The following MBNL3 variants were observed in gnomAD, a reference collection of about 807,000 sequenced individuals.
MBNL3 encodes muscleblind like splicing regulator 3.
MBNL3 carries 6 observed loss-of-function variants against 24.5 expected under a neutral mutation model. That is an observed-to-expected ratio of 0.25 (90% CI 0.13 to 0.48). The LOEUF is 0.48. Ranked by LOEUF, MBNL3 falls within the 20% of genes least tolerant of loss-of-function variation. The pLI, the probability that MBNL3 is intolerant of heterozygous loss-of-function variation, is 0.99. For synonymous variants in MBNL3, 100 were observed against 101.7 expected, an observed-to-expected ratio of 0.98 and a Z score of 0.10; for missense variants, 230 against 293.5, an observed-to-expected ratio of 0.78 and a Z score of 1.58.
chrX:132,454,564 G>T (rs768758719), intron 1 of MBNL3, among the ~76,000 whole-genome samples: 1 of 111,959 alleles, frequency 8.9e-6, no homozygotes, highest in Non-Finnish European at 1.9e-5. Flanking sequence ...CTCTGTGGCT[G>T]AAAATGTTGG....
rs758479162 is a variant in MBNL3, at chrX:132,443,886, T to C, written c.-703-3572A>G. Among the ~76,000 whole-genome samples, 14 of 103,264 alleles carry C rather than the reference T, an allele frequency of 1.4e-4. No individual in the cohort carries two copies. The South Asian group carries it at 6.3e-3, about 46-fold the overall frequency. The allele number at this position is 103,264 out of a possible 115,157, so 89.7% of individuals were successfully genotyped here. A position where few individuals can be genotyped will look rare whatever the true frequency, so the allele number is the denominator to read the frequency against. On this transcript the variant is annotated intron_variant, in intron 1 of 8. Coordinates refer to ENST00000370853, the MANE Select transcript of MBNL3 (RefSeq NM_001386889.1). ...TGTTCTCATTTTACAGATGGGGAAA[T>C]GAGGGTGGAGAAAGGTTGAGTAATT...
intron 2 of MBNL3, chrX:132,413,724 A>G: frequency 2.6e-5 from 16 of 625,756 alleles, no homozygotes; most frequent in Non-Finnish European, 3.6e-5. Flanking sequence ...GCGCAACAGT[A>G]TATTTAAATA....
At chrX:132,461,008 G>A (rs1946601828) in intron 1 of MBNL3, among the ~76,000 whole-genome samples, 1 of 111,617 alleles carries the variant, frequency 9.0e-6, no homozygotes, top group Non-Finnish European at 1.9e-5. Flanking sequence ...ATGGCCTCCA[G>A]CTCCATCCAA....
rs1602998017 is a variant in MBNL3, at chrX:132,371,150, T to C, written c.*8516A>G. On this transcript the variant is annotated 3_prime_UTR_variant, in exon 9 of 9. Coordinates refer to ENST00000370853, the MANE Select transcript of MBNL3 (RefSeq NM_001386889.1). Reference sequence around the variant, plus strand: ...AGAAATGCCATCATGGGAACCACCTTAGAAATAGTAAAACAGGGCACAAGG... The same window carrying C: ...AGAAATGCCATCATGGGAACCACCTCAGAAATAGTAAAACAGGGCACAAGG... The C allele has an allele frequency of 9.0e-6, 1 of 111,247 alleles. No individual in the cohort carries two copies. The highest frequency in any genetic ancestry group is 2.8e-4 in the East Asian group (1 of 3,518). The allele number at this position is 111,247 out of a possible 1,213,427, so 9.2% of individuals were successfully genotyped here.
chrX:132,384,259 A>T (rs1015456441), intron 7 of MBNL3, among the ~76,000 whole-genome samples: 1 of 112,184 alleles, frequency 8.9e-6, no homozygotes. Flanking sequence ...CCTATAGATA[A>T]CTTTTTCAGG....
chrX:132,452,886 A>T (rs1946183128), intron 1 of MBNL3, among the ~76,000 whole-genome samples: 1 of 112,541 alleles, frequency 8.9e-6, no homozygotes, highest in Non-Finnish European at 1.9e-5. Flanking sequence ...ATTTGGTAAC[A>T]TTAACAACAA....
intron 1 of MBNL3, among the ~76,000 whole-genome samples, chrX:132,483,656 T>C (rs1413571284): frequency 1.3e-4 from 15 of 112,162 alleles, no homozygotes; most frequent in Admixed American, 1.2e-3. Context: ...TTTGGTTACT[T>C]TGTACTGCCA....
intron 1 of MBNL3, among the ~76,000 whole-genome samples, chrX:132,445,430 C>A (rs1945652688): frequency 9.0e-6 from 1 of 110,731 alleles, no homozygotes; most frequent in Non-Finnish European, 1.9e-5. Flanking sequence ...AAAACCAAGT[C>A]TTCTGTCCAG....
At chrX:132,427,326 C>G (rs186261904) in intron 2 of MBNL3, among the ~76,000 whole-genome samples, 1 of 111,473 alleles carries the variant, frequency 9.0e-6, no homozygotes, top group East Asian at 2.8e-4. Flanking sequence ...GTTAGTAATA[C>G]TGAAGTTAAG....
chrX:132,418,319 T>A (rs764756921), intron 2 of MBNL3, among the ~76,000 whole-genome samples: 1 of 112,211 alleles, frequency 8.9e-6, no homozygotes, highest in South Asian at 3.7e-4. Context: ...TGTTGTGGAT[T>A]TACCACGTGC....
intron 2 of MBNL3, among the ~76,000 whole-genome samples, chrX:132,429,302 A>G (rs1419246113): frequency 1.8e-5 from 2 of 112,276 alleles, no homozygotes; most frequent in Non-Finnish European, 3.8e-5. Flanking sequence ...TGAGTATATA[A>G]CAGAATCAGA....
intron 1 of MBNL3, among the ~76,000 whole-genome samples, chrX:132,487,169 T>TAA (rs1448217038): frequency 9.0e-6 from 1 of 110,793 alleles, no homozygotes; most frequent in East Asian, 2.8e-4. Flanking sequence ...TCTTTTTTTT[T>TAA]AAGGATGCAT....
At chrX:132,476,972 A>C (rs1947475044) in intron 1 of MBNL3, among the ~76,000 whole-genome samples, 1 of 112,051 alleles carries the variant, frequency 8.9e-6, no homozygotes, top group Non-Finnish European at 1.9e-5. Context: ...ACATGTTTAC[A>C]GTGAAACAGA....
chrX:132,382,062 A>T, intron 8 of MBNL3, 116 bp downstream of exon 8: 2 of 608,966 alleles, frequency 3.3e-6, no homozygotes, highest in Non-Finnish European at 2.5e-6. Context: ...AAAATTCTAA[A>T]TGTGACAATG....
chrX:132,485,432 T>G (rs1243364450), intron 1 of MBNL3, among the ~76,000 whole-genome samples: 1 of 112,397 alleles, frequency 8.9e-6, no homozygotes, highest in Non-Finnish European at 1.9e-5. Context: ...AATGCATTTT[T>G]ACTACAATGA....
rs1420491390 is a variant in MBNL3 at position 132,372,075 on chromosome X, G to A, written c.*7591C>T. ...AGCATACTAAAATGAGCTGCATAAT[G>A]TGCACTTTTAAACATAAACAAGCAC... On this transcript the variant is annotated 3_prime_UTR_variant, in exon 9 of 9. Transcript: ENST00000370853. 2 of 110,529 alleles carry A rather than the reference G, an allele frequency of 1.8e-5. No homozygotes were observed. Among genetic ancestry groups the A allele is most frequent in the Admixed American group, 9.7e-5 (1 of 10,307 alleles). 9.1% of individuals were successfully genotyped at this position (110,529 alleles called of 1,213,427 possible).
At chrX:132,414,157 T>A (rs749476199) in intron 2 of MBNL3, among the ~76,000 whole-genome samples, 3 of 112,366 alleles carry the variant, frequency 2.7e-5, no homozygotes, top group Non-Finnish European at 3.8e-5. Context: ...TAGAGAGGTA[T>A]GGCTAATTCT....
chrX:132,421,552 G>A lies in MBNL3; in HGVS notation c.178-15160C>T, dbSNP rs147029074. On this transcript the variant is annotated intron_variant, in intron 2 of 8. Coordinates refer to ENST00000370853, the MANE Select transcript of MBNL3 (RefSeq NM_001386889.1). ...ATATCCAAGCTTTAATCTCATCCTC[G>A]TAAATAACTAAAAGGAGAAAATAAT... is the stretch of plus-strand genomic sequence containing the variant. Among the ~76,000 whole-genome samples, 619 of 111,825 alleles carry A rather than the reference G, an allele frequency of 5.5e-3. 2 individuals carry two copies. Among genetic ancestry groups the A allele is most frequent in the Middle Eastern group, 0.023 (5 of 217 alleles).
rs1934014777 is a variant in MBNL3 at position 132,375,130 on chromosome X, T to C, written c.*4536A>G. The C allele has an allele frequency of 8.9e-6, 1 of 111,739 alleles. No individual in the cohort carries two copies. The highest frequency in any genetic ancestry group is 3.2e-5 in the African/African-American group (1 of 30,825). The allele number at this position is 111,739 out of a possible 1,213,427, so 9.2% of individuals were successfully genotyped here. ...AAGAACTCAACCATGTCTGTTTTCATAGTTTTGAGCTGTATTTTCTACAGG... is the reference window on the plus strand; with the variant it reads ...AAGAACTCAACCATGTCTGTTTTCACAGTTTTGAGCTGTATTTTCTACAGG... On this transcript the variant is annotated 3_prime_UTR_variant, in exon 9 of 9. Coordinates refer to ENST00000370853, the MANE Select transcript of MBNL3 (RefSeq NM_001386889.1).
Sources: allele counts gnomAD v4.1 joint callset (sites outside exome capture counted in the v4.1 genomes callset), GRCh38; gene constraint gnomAD v4.1.1; transcripts MANE v1.5; gene names NCBI Gene and HGNC (gene_info 2026-07-23, HGNC 2026-07-21).